MBTPS1: variants seen among roughly 807,000 people sequenced by gnomAD.
MBTPS1 encodes membrane-bound transcription factor site-1 protease.
MBTPS1 carries 94 observed loss-of-function variants against 127.8 expected under a neutral mutation model. That is an observed-to-expected ratio of 0.74 (90% CI 0.62 to 0.87). The LOEUF (loss-of-function observed/expected upper bound fraction) is 0.87, where lower values mean the gene tolerates loss of function less well. Among genes scored for constraint, MBTPS1 ranks in the 40% least tolerant of loss-of-function variants. The pLI, the probability that MBTPS1 is intolerant of heterozygous loss-of-function variation, is 0.00. For synonymous variants in MBTPS1, 632 were observed against 509.4 expected, an observed-to-expected ratio of 1.24 and a Z score of -3.24; for missense variants, 1,636 against 1,353.2, an observed-to-expected ratio of 1.21 and a Z score of -3.28.
chr16:84,100,559 A>T (rs1597347363), intron 2 of MBTPS1, among the ~76,000 whole-genome samples: 1 of 78,988 alleles, frequency 1.3e-5, no homozygotes, highest in South Asian at 4.1e-4. Flanking sequence ...AAGAAAAAAG[A>T]AAAAACAAAA....
At chr16:84,078,128 C>G (rs2085888333) in intron 11 of MBTPS1, among the ~76,000 whole-genome samples, 1 of 152,208 alleles carries the variant, frequency 6.6e-6, no homozygotes, top group Non-Finnish European at 1.5e-5. Flanking sequence ...CCAAAAGGCA[C>G]AACCCTTTCA....
rs1171608311 is a variant in MBTPS1, at chr16:84,065,766, C to A, written c.2355G>T (p.Met785Ile). The A allele has an allele frequency of 6.3e-7, 1 of 1,590,390 alleles. No homozygotes were observed. Among genetic ancestry groups the A allele is most frequent in the Non-Finnish European group, 8.5e-7 (1 of 1,170,596 alleles). Reference sequence around the variant, plus strand: ...CGATGCTGCACCCTGACGCATAATACACTAGGAAAGAGTGTTCAAAGTCAA... The same window carrying A: ...CGATGCTGCACCCTGACGCATAATAAACTAGGAAAGAGTGTTCAAAGTCAA... ...EGEFTLANHD[M>I]YYASGCSIAK... Residue 785 changes from methionine to isoleucine, a missense_variant and splice_region_variant, in exon 18 of 23, where the codon ATG (methionine) becomes ATT (isoleucine). By Grantham distance (10) the Met-to-Ile change is conservative. Coordinates refer to ENST00000343411, the MANE Select transcript of MBTPS1 (RefSeq NM_003791.4).
chr16:84,079,028 C>A (rs1321394788), intron 11 of MBTPS1, among the ~76,000 whole-genome samples: 2 of 152,206 alleles, frequency 1.3e-5, no homozygotes, highest in African/African-American at 4.8e-5. Flanking sequence ...CTGGGGGAGA[C>A]CCCTCATGGG....
intron 8 of MBTPS1, among the ~76,000 whole-genome samples, chr16:84,089,330 C>A (rs1049337122): frequency 7.9e-5 from 12 of 152,244 alleles, no homozygotes; most frequent in African/African-American, 2.9e-4. Context: ...ACATATATCA[C>A]CCGCAGCTGC....
chr16:84,076,433 T>C (rs545293571), intron 11 of MBTPS1, among the ~76,000 whole-genome samples: 2 of 152,326 alleles, frequency 1.3e-5, no homozygotes, highest in South Asian at 4.1e-4. Flanking sequence ...GTGCTAGATA[T>C]ACCAGCCCAT....
Position 84,095,937 on chromosome 16 carries a change from T to C in MBTPS1, c.422-132A>G, listed in dbSNP as rs1296782779. ...TGTTTGAAGGAAAGTGGGATTATCT[T>C]CTTTTTCTGGAAGGACAGTCTCAAT... On this transcript the variant is annotated intron_variant, in intron 3 of 22. Transcript: ENST00000343411. The C allele has an allele frequency of 6.0e-6, 4 of 672,030 alleles. No individual in the cohort carries two copies. The East Asian group carries it at 1.1e-4, about 18-fold the overall frequency. 41.6% of individuals were successfully genotyped at this position (672,030 alleles called of 1,614,324 possible).
chr16:84,085,752 A>T (rs781674702), intron 9 of MBTPS1, among the ~76,000 whole-genome samples: 6 of 152,184 alleles, frequency 3.9e-5, no homozygotes, highest in Admixed American at 6.5e-5. Context: ...GCCAGACTGG[A>T]AAGTGGACAC....
At chr16:84,111,365 C>T (rs1211165421) in intron 1 of MBTPS1, among the ~76,000 whole-genome samples, 1 of 152,020 alleles carries the variant, frequency 6.6e-6, no homozygotes, top group Non-Finnish European at 1.5e-5. Flanking sequence ...CATGGTGAAA[C>T]CCCGTCTCTA....
At chr16:84,090,386 A>C (rs1349346338) in intron 8 of MBTPS1, among the ~76,000 whole-genome samples, 2 of 152,150 alleles carry the variant, frequency 1.3e-5, no homozygotes, top group African/African-American at 4.8e-5. Flanking sequence ...CAACTCCCAA[A>C]GCACCGGCCA....
At chr16:84,108,565 C>G (rs1287104582) in intron 1 of MBTPS1, among the ~76,000 whole-genome samples, 6 of 152,242 alleles carry the variant, frequency 3.9e-5, no homozygotes. Context: ...CTGCGCCCAG[C>G]CCAAGAAAAG....
At chr16:84,064,596 A>G (rs79121910) in intron 18 of MBTPS1, among the ~76,000 whole-genome samples, 1,944 of 152,256 alleles carry the variant, frequency 0.013, 49 homozygotes, top group African/African-American at 0.044. Context: ...CCACCTACCA[A>G]AAACAAGGAT....
intron 1 of MBTPS1, among the ~76,000 whole-genome samples, chr16:84,110,180 T>G (rs1455988876): frequency 6.6e-6 from 1 of 152,152 alleles, no homozygotes; most frequent in Non-Finnish European, 1.5e-5. Context: ...ACCACACACG[T>G]CAGACAGATT....
rs1255044127 is a variant in MBTPS1 at position 84,059,359 on chromosome 16, G to C, written c.2774C>G (p.Pro925Arg). 8 of 1,614,180 alleles carry C rather than the reference G, an allele frequency of 5.0e-6. No individual in the cohort carries two copies. The highest frequency in any genetic ancestry group is 6.8e-6 in the Non-Finnish European group (8 of 1,180,012). Reference sequence around the variant, plus strand: ...GGCCCAAGACAAGCGTGGACAGGCTGGTAGAGGCCGAGGTTTTGGGTCTCC... The same window carrying C: ...GGCCCAAGACAAGCGTGGACAGGCTCGTAGAGGCCGAGGTTTTGGGTCTCC... ...HLGDPKPRPL[P>R]ACPRLSWAKP... The change falls in exon 21 of 23, where the codon CCA becomes CGA. Residue 925 changes from proline (P) to arginine (R), a missense_variant. Coordinates refer to ENST00000343411, the MANE Select transcript of MBTPS1 (RefSeq NM_003791.4).
chr16:84,096,005 C>G (rs143093985), intron 3 of MBTPS1, among the ~76,000 whole-genome samples, 200 bp from the exon 4 acceptor site: 82 of 152,134 alleles, frequency 5.4e-4, no homozygotes, highest in African/African-American at 1.9e-3. Flanking sequence ...CATATTACTC[C>G]CAAATAGTTC....
At chr16:84,067,958 C>T in intron 15 of MBTPS1, 135 bp from the exon 16 acceptor site, 1 of 747,302 alleles carries the variant, frequency 1.3e-6, no homozygotes, top group Non-Finnish European at 2.1e-6. Flanking sequence ...CCCTGTACCA[C>T]TTTAAAAGGG....
At position 84,093,197 on chromosome 16, in the gene MBTPS1, G is replaced by A; in HGVS notation, c.837C>T (p.Thr279=). 1 of 1,609,328 alleles carries A rather than the reference G, an allele frequency of 6.2e-7. No homozygotes were observed. The highest frequency in any genetic ancestry group is 8.5e-7 in the Non-Finnish European group (1 of 1,175,650). The part of the protein sequence containing the change: ...DAELHIFRVF[T]NNQVSYTSWF... Reference sequence around the variant, plus strand: ...TCCTCAAAACACCTACCTGATTATTGGTAAAGACCCTGAAAATGTGAAGTT... The same window carrying A: ...TCCTCAAAACACCTACCTGATTATTAGTAAAGACCCTGAAAATGTGAAGTT... The change falls in exon 6 of 23, where the codon ACC becomes ACT. Residue 279 remains threonine (T), a synonymous_variant. Transcript: ENST00000343411.
chr16:84,107,143 C>T (rs1330312833), intron 1 of MBTPS1, among the ~76,000 whole-genome samples: 1 of 152,164 alleles, frequency 6.6e-6, no homozygotes, highest in African/African-American at 2.4e-5. Context: ...ACAGGAAAGT[C>T]AGAAGGAAAC....
intron 11 of MBTPS1, 67 bp downstream of exon 11, chr16:84,081,680 C>A: frequency 8.3e-7 from 1 of 1,209,394 alleles, no homozygotes; most frequent in Non-Finnish European, 1.1e-6. Context: ...GTATTTTGTG[C>A]AGAGGGAAAA....
chr16:84,104,161 T>C (rs1187380653), intron 1 of MBTPS1, among the ~76,000 whole-genome samples: 1 of 152,356 alleles, frequency 6.6e-6, no homozygotes, highest in East Asian at 1.9e-4. Context: ...ACAGTTCTCA[T>C]ATCACAGTAA....
Sources: allele counts gnomAD v4.1 joint callset (sites outside exome capture counted in the v4.1 genomes callset), GRCh38; gene constraint gnomAD v4.1.1; transcripts MANE v1.5; gene names NCBI Gene and HGNC (gene_info 2026-07-23, HGNC 2026-07-21).